The following PALM2AKAP2 variants were observed in gnomAD, a reference collection of about 807,000 sequenced individuals.
PALM2AKAP2 encodes PALM2 and AKAP2 fusion, also known as PALM2-AKAP2 fusion protein.
A neutral mutation model predicts 71.5 loss-of-function variants in PALM2AKAP2; 37 were observed. The observed-to-expected ratio is 0.52, with a 90% confidence interval of 0.40 to 0.68. PALM2AKAP2 has a LOEUF of 0.68. Among genes scored for constraint, PALM2AKAP2 ranks in the 30% least tolerant of loss-of-function variants. The pLI, the probability that PALM2AKAP2 is intolerant of heterozygous loss-of-function variation, is 0.00. For synonymous variants in PALM2AKAP2, 468 were observed against 478.8 expected (o/e 0.98, Z 0.29); for missense variants, 1,224 against 1,191.8 (o/e 1.03, Z -0.40).
chr9:109,807,271 A>G (rs892043436), intron 1 of PALM2AKAP2, among the ~76,000 whole-genome samples: 1 of 152,234 alleles, frequency 6.6e-6, no homozygotes, highest in African/African-American at 2.4e-5. Flanking sequence ...TAGGAATTCA[A>G]TTCTGGACAT....
chr9:109,704,010 C>G (rs2118590312), intron 1 of PALM2AKAP2, among the ~76,000 whole-genome samples: 1 of 152,274 alleles, frequency 6.6e-6, no homozygotes, highest in Admixed American at 6.5e-5. Flanking sequence ...GCTCCTTGGC[C>G]AGGTTCTTGT....
At position 109,652,801 on chromosome 9, in the gene PALM2AKAP2, T is replaced by C. The variant is rs75326456; in HGVS notation, c.5+11935T>C. 3.7e-4 allele frequency among the ~76,000 whole-genome samples: 57 copies of C among 152,220 alleles called. No homozygotes were observed. The East Asian group carries it at 9.3e-3, about 25-fold the overall frequency. On this transcript the variant is annotated intron_variant, in intron 1 of 6. Coordinates refer to the PALM2AKAP2 transcript ENST00000374531. Reference sequence around the variant, plus strand: ...GGTCACAATCTAATGAGAAACATAGTTGGTCAGGTAATTATAATAAAACAT... The same window carrying C: ...GGTCACAATCTAATGAGAAACATAGCTGGTCAGGTAATTATAATAAAACAT...
At chr9:109,797,754 C>T (rs1229358187) in intron 1 of PALM2AKAP2, among the ~76,000 whole-genome samples, 3 of 152,210 alleles carry the variant, frequency 2.0e-5, no homozygotes, top group Non-Finnish European at 4.4e-5. Flanking sequence ...AAAAATGAGC[C>T]ATCTCTAGTT....
chr9:109,743,190 T>C (rs2118690167), intron 1 of PALM2AKAP2, among the ~76,000 whole-genome samples: 1 of 152,300 alleles, frequency 6.6e-6, no homozygotes, highest in African/African-American at 2.4e-5. Context: ...AGGGATCTTT[T>C]TCCCTCCCTT....
intron 1 of PALM2AKAP2, among the ~76,000 whole-genome samples, chr9:109,785,269 AATAAAAATG>A (rs1482293905): frequency 2.0e-5 from 3 of 152,244 alleles, no homozygotes; most frequent in Admixed American, 6.5e-5. Context: ...TCTGTGAAGT[AATAAAAATG>A]ATCTTTGCAT....
intron 1 of PALM2AKAP2, among the ~76,000 whole-genome samples, chr9:109,767,925 G>A (rs1829181145): frequency 6.6e-6 from 1 of 152,194 alleles, no homozygotes; most frequent in South Asian, 2.1e-4. Flanking sequence ...AAGGAGGGAA[G>A]GTGGGATGGA....
At chr9:109,643,740 A>G (rs915039239) in intron 1 of PALM2AKAP2, among the ~76,000 whole-genome samples, 1 of 151,788 alleles carries the variant, frequency 6.6e-6, no homozygotes, top group African/African-American at 2.4e-5. Context: ...CCAATTTCCA[A>G]CTCTGTTTTC....
rs1833084000 is a variant in PALM2AKAP2 at position 110,022,149 on chromosome 9, G to T, written c.582+6110G>T. ...ACTCTTAACTTCAGTTTCATTTTTAGCATTGTCTTTCACTGTGTCTCTCTC... is the reference window on the plus strand; with the variant it reads ...ACTCTTAACTTCAGTTTCATTTTTATCATTGTCTTTCACTGTGTCTCTCTC... On this transcript the variant is annotated intron_variant, in intron 7 of 9. Transcript: ENST00000302798. 4.6e-5 allele frequency among the ~76,000 whole-genome samples: 7 copies of T among 152,182 alleles called. No individual in the cohort carries two copies. In the South Asian group the frequency reaches 1.2e-3, roughly 27 times the overall value.
chr9:110,150,550 G>A (rs1375246535), intron 2 of PALM2AKAP2, among the ~76,000 whole-genome samples: 1 of 152,134 alleles, frequency 6.6e-6, no homozygotes, highest in Admixed American at 6.5e-5. Context: ...GGATATTTCA[G>A]GATAGCTTTC....
chr9:109,949,575 G>A (rs1035585357), intron 6 of PALM2AKAP2, among the ~76,000 whole-genome samples: 4 of 152,146 alleles, frequency 2.6e-5, no homozygotes, highest in Admixed American at 2.6e-4. Flanking sequence ...TCCATTAAAG[G>A]TAACTTTCTG....
At chr9:110,037,686 A>T (rs919631571) in intron 7 of PALM2AKAP2, among the ~76,000 whole-genome samples, 1 of 152,240 alleles carries the variant, frequency 6.6e-6, no homozygotes, top group African/African-American at 2.4e-5. Context: ...GAGAAAAATC[A>T]GAATGCTGTA....
intron 6 of PALM2AKAP2, among the ~76,000 whole-genome samples, chr9:109,935,460 G>A (rs1831198621): frequency 6.6e-6 from 1 of 152,144 alleles, no homozygotes; most frequent in African/African-American, 2.4e-5. Flanking sequence ...ATGTTTCTGT[G>A]TAGTCCACAG....
intron 6 of PALM2AKAP2, among the ~76,000 whole-genome samples, chr9:110,008,851 G>C (rs974035808): frequency 3.3e-5 from 5 of 151,890 alleles, no homozygotes; most frequent in African/African-American, 1.2e-4. Context: ...ATGGGTGTGG[G>C]CAGCAGAGAC....
intron 6 of PALM2AKAP2, among the ~76,000 whole-genome samples, chr9:109,997,307 G>C (rs767549914): frequency 6.6e-6 from 1 of 152,132 alleles, no homozygotes; most frequent in Admixed American, 6.6e-5. Context: ...TCTGCAGAGC[G>C]GGGATAATAT....
rs1265596637 is a variant in PALM2AKAP2, at chr9:109,654,597, T to C, written c.5+13731T>C. Among the ~76,000 whole-genome samples the C allele has an allele frequency of 3.3e-5, 5 of 152,210 alleles. No individual in the cohort carries two copies. The East Asian group carries it at 9.6e-4, about 29-fold the overall frequency. On this transcript the variant is annotated intron_variant, in intron 1 of 6. Transcript: ENST00000374531. Reference sequence around the variant, plus strand: ...GTTCACTCCCAGCCTTCATCAGCTGTACAATTTGCTTTCCTGTTAGTTTTA... The same window carrying C: ...GTTCACTCCCAGCCTTCATCAGCTGCACAATTTGCTTTCCTGTTAGTTTTA...
At chr9:110,142,088 T>TTC (rs2119136558) in intron 2 of PALM2AKAP2, among the ~76,000 whole-genome samples, 1 of 149,760 alleles carries the variant, frequency 6.7e-6, no homozygotes, top group African/African-American at 2.5e-5. Flanking sequence ...TTTTTTTTTT[T>TTC]TGAGGCAGAG....
chr9:109,787,378 A>T (rs1826999386), intron 1 of PALM2AKAP2, among the ~76,000 whole-genome samples: 1 of 152,258 alleles, frequency 6.6e-6, no homozygotes, highest in Admixed American at 6.5e-5. Context: ...AAGTGAACAC[A>T]AAGAGTGAAA....
chr9:109,677,282 G>A (rs956276493), intron 1 of PALM2AKAP2, among the ~76,000 whole-genome samples: 2 of 152,190 alleles, frequency 1.3e-5, no homozygotes, highest in Admixed American at 6.5e-5. Context: ...CCAACTTAGA[G>A]ATTTTTGGAT....
chr9:109,954,633 A>G (rs1297986019), intron 6 of PALM2AKAP2, among the ~76,000 whole-genome samples: 1 of 145,120 alleles, frequency 6.9e-6, no homozygotes, highest in Non-Finnish European at 1.5e-5. Context: ...CAATGTGCAC[A>G]TGTACCCTAA....
Sources: gnomAD v4.1 joint callset for allele counts (sites outside exome capture counted in the v4.1 genomes callset) on GRCh38, gnomAD v4.1.1 for gene constraint, MANE v1.5 for transcripts, NCBI Gene and HGNC (gene_info 2026-07-23, HGNC 2026-07-21) for gene names.